The following PXK variants were observed in gnomAD, a reference collection of about 807,000 sequenced individuals.
The protein encoded by PXK is PX domain containing serine/threonine kinase like, also known as PX domain-containing protein kinase-like protein.
In PXK, 35 loss-of-function variants were observed where a neutral mutation model predicts 84.7. The ratio of observed to expected loss-of-function variants is 0.41; its 90% CI spans 0.32 to 0.55. PXK has a LOEUF of 0.55. PXK is among the 20% of genes least tolerant of loss of function. The probability of loss-of-function intolerance (pLI) is 0.21; values close to 1 mark genes in which losing one functional copy is unlikely to be tolerated. For missense variants in PXK, 634 were observed against 699.7 expected, an observed-to-expected ratio of 0.91 and a Z score of 1.06; for synonymous variants, 253 against 260.8, an observed-to-expected ratio of 0.97 and a Z score of 0.29.
intron 1 of PXK, among the ~76,000 whole-genome samples, chr3:58,353,199 G>C (rs528489228): frequency 2.0e-5 from 3 of 152,098 alleles, no homozygotes; most frequent in Middle Eastern, 6.8e-3. Flanking sequence ...GGGTTTCACC[G>C]TGTTAGCCAG....
Position 58,390,557 on chromosome 3 carries a change from A to G in PXK, c.389-25A>G, listed in dbSNP as rs767884750. On this transcript the variant is annotated intron_variant, in intron 4 of 17. Transcript: ENST00000356151. The surrounding 1 kb of genome is among the most constrained non-coding windows in gnomAD (Gnocchi z 4.2). ...GGCCCTTTCCTGATATGTCTGACTAATGGGTTTCTAAAATGTCTTTGCAGA... is the reference window on the plus strand; with the variant it reads ...GGCCCTTTCCTGATATGTCTGACTAGTGGGTTTCTAAAATGTCTTTGCAGA... The G allele has an allele frequency of 5.0e-6, 8 of 1,596,250 alleles. No individual in the cohort carries two copies. Among genetic ancestry groups the G allele is most frequent in the Middle Eastern group, 1.7e-4 (1 of 6,018 alleles).
chr3:58,345,340 GA>G (rs1307150012), intron 1 of PXK, among the ~76,000 whole-genome samples: 10 of 152,076 alleles, frequency 6.6e-5, no homozygotes, highest in African/African-American at 2.4e-4. Flanking sequence ...AGACTCTCTG[GA>G]AGTTATTTTA....
Position 58,336,071 on chromosome 3 carries a change from A to ATATATATATATATTTTTT in PXK, c.102+2982_102+2983insATATATATATATTTTTTT, listed in dbSNP as rs1284780630. On this transcript the variant is annotated intron_variant, in intron 1 of 17. Coordinates refer to ENST00000356151, the MANE Select transcript of PXK (RefSeq NM_017771.5). Reference sequence around the variant, plus strand: ...TATATATATATATATATATATATATATTTTTTTTTTTTTTTTTTAATACCA... The same window carrying ATATATATATATATTTTTT: ...TATATATATATATATATATATATATATATATATATATATTTTTTTTTTTTTTTTTTTTTTTTAATACCA... Among the ~76,000 whole-genome samples the ATATATATATATATTTTTT allele has an allele frequency of 5.8e-5, 3 of 51,584 alleles. 1 individual carries two copies. Among genetic ancestry groups the ATATATATATATATTTTTT allele is most frequent in the Non-Finnish European group, 9.8e-5 (3 of 30,620 alleles). The allele number at this position is 51,584 out of a possible 152,430, so 33.8% of individuals were successfully genotyped here.
rs950991409 is a variant in PXK, at chr3:58,421,126, C to T, written c.1529-3626C>T. ...GGTTCTCCCGAGAGCTGGGGGCTTG[C>T]CTGCTTCGGTTCTCTCCTGAGGGTG... is the stretch of plus-strand genomic sequence containing the variant. On this transcript the variant is annotated intron_variant, in intron 17 of 17. Coordinates refer to ENST00000356151, the MANE Select transcript of PXK (RefSeq NM_017771.5). The surrounding 1 kb of genome is among the most constrained non-coding windows in gnomAD (Gnocchi z 5.5). The T allele has an allele frequency of 2.0e-6, 2 of 985,286 alleles. No individual in the cohort carries two copies. The highest frequency in any genetic ancestry group is 2.4e-6 in the Non-Finnish European group (2 of 829,942). 61.0% of individuals were successfully genotyped at this position (985,286 alleles called of 1,614,324 possible).
intron 1 of PXK, among the ~76,000 whole-genome samples, chr3:58,343,497 G>C (rs970592659): frequency 1.3e-5 from 2 of 152,206 alleles, no homozygotes; most frequent in African/African-American, 4.8e-5. Context: ...ACTCTTTGGT[G>C]AGTGTTGTGG....
chr3:58,415,157 G>A (rs1053616797), intron 17 of PXK, among the ~76,000 whole-genome samples: 1 of 152,166 alleles, frequency 6.6e-6, no homozygotes, highest in Admixed American at 6.5e-5. Flanking sequence ...GTCAGGGTGT[G>A]GGGGAGTGGT....
At chr3:58,418,008 C>T (rs912311210) in intron 17 of PXK, among the ~76,000 whole-genome samples, 3 of 152,076 alleles carry the variant, frequency 2.0e-5, no homozygotes, top group Non-Finnish European at 4.4e-5. Context: ...TTTGTAGAGA[C>T]GGGTTTTGCC....
intron 12 of PXK, among the ~76,000 whole-genome samples, chr3:58,403,507 A>G (rs564749948): frequency 3.9e-5 from 6 of 152,322 alleles, no homozygotes; most frequent in Admixed American, 1.3e-4. Context: ...AATAGCAGAA[A>G]ACTATTCTAT....
Position 58,398,490 on chromosome 3 carries a change from C to T in PXK, c.1102+768C>T, listed in dbSNP as rs1193335001. 1.3e-5 allele frequency among the ~76,000 whole-genome samples: 2 copies of T among 152,164 alleles called. No individual in the cohort carries two copies. The highest frequency in any genetic ancestry group is 4.8e-5 in the African/African-American group (2 of 41,440). On this transcript the variant is annotated intron_variant, in intron 11 of 17. Transcript: ENST00000356151. This position sits in a 1 kb window ranked among gnomAD's most constrained non-coding sequence, Gnocchi z 4.5. ...CTAGCAGGCCCAGACCTAGGGCAGG[C>T]AGGCAGGAATGCAGACACCAAGACA...
Position 58,351,282 on chromosome 3 carries a change from C to T in PXK, c.103-14592C>T, listed in dbSNP as rs193023265. Among the ~76,000 whole-genome samples, 422 of 152,230 alleles carry T rather than the reference C, an allele frequency of 2.8e-3. 2 individuals carry two copies. Among genetic ancestry groups the T allele is most frequent in the Non-Finnish European group, 4.5e-3 (305 of 68,004 alleles). On this transcript the variant is annotated intron_variant, in intron 1 of 17. Coordinates refer to ENST00000356151, the MANE Select transcript of PXK (RefSeq NM_017771.5). Reference sequence around the variant, plus strand: ...AGTGCAGTGGTGCAATCACGGCTCACGGCAGCCTCCATCTCCCTGGGCTTA... The same window carrying T: ...AGTGCAGTGGTGCAATCACGGCTCATGGCAGCCTCCATCTCCCTGGGCTTA...
At chr3:58,393,172 C>A (rs1317483008) in intron 7 of PXK, among the ~76,000 whole-genome samples, 1 of 151,880 alleles carries the variant, frequency 6.6e-6, no homozygotes, top group Non-Finnish European at 1.5e-5. Context: ...CATGGTGAAA[C>A]CCTGTCTCTA....
In PXK at chr3:58,365,934, T is replaced by A; in HGVS notation, c.153+10T>A. 1 of 457,898 alleles carries A rather than the reference T, an allele frequency of 2.2e-6. No homozygotes were observed. The highest frequency in any genetic ancestry group is 2.9e-6 in the Non-Finnish European group (1 of 340,344). The allele number at this position is 457,898 out of a possible 1,614,324, so 28.4% of individuals were successfully genotyped here. On this transcript the variant is annotated intron_variant, in intron 2 of 17. Coordinates refer to ENST00000356151, the MANE Select transcript of PXK (RefSeq NM_017771.5). ...GGAAAACAGCTGGCAGGTAAGCATC[T>A]TTTTTTTTTTTTTTGTCAATTAGAA...
intron 17 of PXK, among the ~76,000 whole-genome samples, chr3:58,424,138 A>C: frequency 6.6e-6 from 1 of 152,204 alleles, no homozygotes; most frequent in Non-Finnish European, 1.5e-5. Flanking sequence ...TATTTCTTTA[A>C]TGCAACCTAA....
chr3:58,422,095 A>G (rs1490773124), intron 17 of PXK: 9 of 985,184 alleles, frequency 9.1e-6, no homozygotes, highest in Non-Finnish European at 1.1e-5. Context: ...CTCTTCCTCC[A>G]TTGTTAGCCA....
chr3:58,375,083 T>C (rs1233970866), intron 3 of PXK, among the ~76,000 whole-genome samples: 3 of 152,168 alleles, frequency 2.0e-5, no homozygotes, highest in Non-Finnish European at 1.5e-5. Context: ...ATGTTGAAGC[T>C]TGGAAGCCAC....
intron 1 of PXK, among the ~76,000 whole-genome samples, chr3:58,363,221 T>A (rs2098217489): frequency 6.6e-6 from 1 of 152,218 alleles, no homozygotes; most frequent in African/African-American, 2.4e-5. Context: ...GTATTTTTTT[T>A]TGAGTAATTG....
At chr3:58,389,635 G>A (rs2098602319) in intron 4 of PXK, among the ~76,000 whole-genome samples, 1 of 150,838 alleles carries the variant, frequency 6.6e-6, no homozygotes, top group Non-Finnish European at 1.5e-5. Flanking sequence ...CAGCCTGGGT[G>A]GAGATGGCAA....
chr3:58,406,669 A>T lies in PXK; in HGVS notation c.1231-2255A>T, dbSNP rs143316933. 5.9e-5 allele frequency among the ~76,000 whole-genome samples: 9 copies of T among 152,342 alleles called. No individual in the cohort carries two copies. In the East Asian group the frequency reaches 1.7e-3, roughly 29 times the overall value. On this transcript the variant is annotated intron_variant, in intron 13 of 17. Transcript: ENST00000356151. Reference sequence around the variant, plus strand: ...GTGTTAACTATCTTCACATTATTGTATAACAGGTCTCTAGAGCTTACAACC... The same window carrying T: ...GTGTTAACTATCTTCACATTATTGTTTAACAGGTCTCTAGAGCTTACAACC...
At chr3:58,386,256 G>T (rs1331402545) in intron 4 of PXK, among the ~76,000 whole-genome samples, 3 of 138,600 alleles carry the variant, frequency 2.2e-5, no homozygotes, top group Non-Finnish European at 1.6e-5. Context: ...AGAAGTTTGT[G>T]TTGAGAATCT....
Sources: allele counts gnomAD v4.1 joint callset (sites outside exome capture counted in the v4.1 genomes callset), GRCh38; gene constraint gnomAD v4.1.1; non-coding constraint Gnocchi (gnomAD v3.1); transcripts MANE v1.5; gene names NCBI Gene and HGNC (gene_info 2026-07-23, HGNC 2026-07-21).